The following CYP39A1 variants were observed in gnomAD, a reference collection of about 807,000 sequenced individuals.
The protein encoded by CYP39A1 is 24-hydroxycholesterol 7-alpha-hydroxylase.
In CYP39A1, 49 loss-of-function variants were observed where a neutral mutation model predicts 58.1. That is an observed-to-expected ratio of 0.84 (90% CI 0.67 to 1.07). The LOEUF (loss-of-function observed/expected upper bound fraction) is 1.07. Ranked by LOEUF, CYP39A1 falls within the 50% of genes least tolerant of loss-of-function variation. The pLI is 0.00. For synonymous variants in CYP39A1, 209 were observed against 187.6 expected, an observed-to-expected ratio of 1.11 and a Z score of -0.93; for missense variants, 531 against 539.4, an observed-to-expected ratio of 0.98 and a Z score of 0.16.
chr6:46,639,731 A>G, intron 2 of CYP39A1, 63 bp from the exon 3 acceptor site: 1 of 1,382,124 alleles, frequency 7.2e-7, no homozygotes, highest in South Asian at 1.3e-5. Flanking sequence ...CAGTCAATAT[A>G]TATCTACTAT....
chr6:46,611,116 G>C (rs9472791), intron 7 of CYP39A1, among the ~76,000 whole-genome samples: 8,143 of 152,252 alleles, frequency 0.053, 462 homozygotes, highest in African/African-American at 0.14. Flanking sequence ...TCCTCCTCCA[G>C]CCACCAGCTT....
At chr6:46,575,211 T>C (rs1185681128) in intron 10 of CYP39A1, among the ~76,000 whole-genome samples, 1 of 152,152 alleles carries the variant, frequency 6.6e-6, no homozygotes, top group Non-Finnish European at 1.5e-5. Context: ...GGAAACAGAA[T>C]TCCAGCCTGG....
intron 10 of CYP39A1, among the ~76,000 whole-genome samples, chr6:46,581,405 GAAAA>G (rs35718392): frequency 8.5e-6 from 1 of 117,164 alleles, no homozygotes. Flanking sequence ...GCCTGTCTCA[GAAAA>G]AAAAAAAAAA....
rs933767337 is a variant in CYP39A1, at chr6:46,626,677, T to A, written c.841-1169A>T. Among the ~76,000 whole-genome samples, 5 of 152,342 alleles carry A rather than the reference T, an allele frequency of 3.3e-5. No individual in the cohort carries two copies. In the South Asian group the frequency reaches 6.2e-4, roughly 19 times the overall value. The stretch of plus-strand genomic sequence containing the variant: ...TAGAGGCTTTCTTTCAGGAGTGTTA[T>A]CCAGATTAAGAAAGATTTATCCTAG... On this transcript the variant is annotated intron_variant, in intron 6 of 11. Coordinates refer to ENST00000275016, the MANE Select transcript of CYP39A1 (RefSeq NM_016593.5).
chr6:46,645,764 T>A (rs1161747324), intron 1 of CYP39A1, among the ~76,000 whole-genome samples: 1 of 152,164 alleles, frequency 6.6e-6, no homozygotes, highest in Non-Finnish European at 1.5e-5. Flanking sequence ...GAAACTGACA[T>A]CTTTAATATG....
intron 7 of CYP39A1, among the ~76,000 whole-genome samples, chr6:46,615,444 C>T (rs1471348445): frequency 6.6e-6 from 1 of 152,122 alleles, no homozygotes; most frequent in East Asian, 1.9e-4. Flanking sequence ...GATATCTCCC[C>T]ACCTTTCTCA....
intron 7 of CYP39A1, among the ~76,000 whole-genome samples, chr6:46,596,881 C>G (rs1773201126): frequency 6.6e-6 from 1 of 152,098 alleles, no homozygotes; most frequent in Admixed American, 6.6e-5. Context: ...CTTGAAACAA[C>G]TGCGCTTTCA....
At chr6:46,616,014 C>G (rs1386442852) in intron 7 of CYP39A1, among the ~76,000 whole-genome samples, 1 of 3,238 alleles carries the variant, frequency 3.1e-4, no homozygotes, top group African/African-American at 1.0e-3. Context: ...CTCCCCCCTC[C>G]CTCCCCCTCC....
intron 10 of CYP39A1, among the ~76,000 whole-genome samples, chr6:46,568,008 A>G (rs1047999873): frequency 6.6e-6 from 1 of 151,782 alleles, no homozygotes; most frequent in African/African-American, 2.4e-5. Flanking sequence ...AAAAAAAAAC[A>G]GGTGTATGTA....
rs115379200 is a variant in CYP39A1 at position 46,643,274 on chromosome 6, C to T, written c.178-976G>A. The stretch of plus-strand genomic sequence containing the variant: ...TCTATCATCAAAAGAAATCACCATA[C>T]TTTCATATTCCATTACAGCATTATA... On this transcript the variant is annotated intron_variant, in intron 1 of 11. Coordinates refer to ENST00000275016, the MANE Select transcript of CYP39A1 (RefSeq NM_016593.5). Among the ~76,000 whole-genome samples the T allele has an allele frequency of 3.4e-3, 521 of 152,282 alleles. 1 individual carries two copies. Among genetic ancestry groups the T allele is most frequent in the African/African-American group, 0.012 (502 of 41,550 alleles).
chr6:46,631,270 G>C (rs952745044), intron 5 of CYP39A1, among the ~76,000 whole-genome samples, 200 bp from the exon 6 acceptor site: 2 of 151,524 alleles, frequency 1.3e-5, no homozygotes, highest in Admixed American at 1.3e-4. Context: ...GAGCTTGACC[G>C]CCTCACTGCA....
At chr6:46,641,369 C>A (rs1426085903) in intron 2 of CYP39A1, among the ~76,000 whole-genome samples, 1 of 151,960 alleles carries the variant, frequency 6.6e-6, no homozygotes, top group East Asian at 1.9e-4. Flanking sequence ...ATATATAATT[C>A]TATTGATTAC....
intron 10 of CYP39A1, among the ~76,000 whole-genome samples, chr6:46,575,400 C>A (rs1001168610): frequency 3.9e-5 from 6 of 152,152 alleles, no homozygotes; most frequent in Non-Finnish European, 7.3e-5. Context: ...AGTCTGCTGG[C>A]CTCTCTCAGG....
In CYP39A1 at chr6:46,630,951, T is replaced by G. The variant is rs2150580040; in HGVS notation, c.840+12A>C. ...GAGAGCAACGTAACTCATACTTTAC[T>G]AATATACTTACAGGAACAGCATTAG... On this transcript the variant is annotated intron_variant, in intron 6 of 11. Coordinates refer to ENST00000275016, the MANE Select transcript of CYP39A1 (RefSeq NM_016593.5). 1 of 1,585,268 alleles carries G rather than the reference T, an allele frequency of 6.3e-7. No individual in the cohort carries two copies. The highest frequency in any genetic ancestry group is 1.7e-5 in the Admixed American group (1 of 59,618).
chr6:46,612,304 C>A (rs1774263915), intron 7 of CYP39A1, among the ~76,000 whole-genome samples: 1 of 152,162 alleles, frequency 6.6e-6, no homozygotes, highest in South Asian at 2.1e-4. Flanking sequence ...ACATGCAAGT[C>A]TCACCCTAGT....
In CYP39A1 at chr6:46,642,177, A is replaced by AT. The variant is rs1776379343; in HGVS notation, c.298dup (p.Ile100AsnfsTer18). ...ATATTCTTTACCTGTACGATAAACG[A>AT]TATTTTGCACTGCTAGTTCAAAATC... On this transcript the variant is annotated frameshift_variant, in exon 2 of 12. Coordinates refer to ENST00000275016, the MANE Select transcript of CYP39A1 (RefSeq NM_016593.5). LOFTEE classifies it high-confidence loss of function. 3 of 1,612,672 alleles carry AT rather than the reference A, an allele frequency of 1.9e-6. No homozygotes were observed. In the African/African-American group the frequency reaches 4.0e-5, roughly 22 times the overall value.
At chr6:46,586,961 G>A (rs549094245) in intron 10 of CYP39A1, 116 bp downstream of exon 10, 1 of 710,740 alleles carries the variant, frequency 1.4e-6, no homozygotes, top group African/African-American at 1.8e-5. Context: ...GTGTTCTTCT[G>A]GATTTCCCTA....
intron 7 of CYP39A1, among the ~76,000 whole-genome samples, chr6:46,609,389 C>A (rs1774065303): frequency 6.6e-6 from 1 of 150,662 alleles, no homozygotes; most frequent in South Asian, 2.1e-4. Flanking sequence ...TGCACTCCAG[C>A]CTGGGCGACA....
At chr6:46,640,483 T>G (rs1776260426) in intron 2 of CYP39A1, among the ~76,000 whole-genome samples, 1 of 152,338 alleles carries the variant, frequency 6.6e-6, no homozygotes, top group East Asian at 1.9e-4. Flanking sequence ...CTATTTTCTT[T>G]ATGTTAGTAT....
Sources: allele counts gnomAD v4.1 joint callset (sites outside exome capture counted in the v4.1 genomes callset), GRCh38; gene constraint gnomAD v4.1.1; transcripts MANE v1.5; gene names NCBI Gene and HGNC (gene_info 2026-07-23, HGNC 2026-07-21).